Variants in PDE10A observed in about 807,000 individuals in gnomAD.
PDE10A encodes the protein cAMP and cAMP-inhibited cGMP 3',5'-cyclic phosphodiesterase 10A.
A neutral mutation model predicts 97.7 loss-of-function variants in PDE10A; 39 were observed. That is an observed-to-expected ratio of 0.40 (90% confidence interval 0.31 to 0.52). The LOEUF is 0.52. Ranked by LOEUF, PDE10A falls within the 20% of genes least tolerant of loss-of-function variation. The probability of loss-of-function intolerance (pLI) is 0.56; values close to 1 mark genes in which losing one functional copy is unlikely to be tolerated. For synonymous variants in PDE10A, 371 were observed against 376.8 expected, an observed-to-expected ratio of 0.98 and a Z score of 0.18; for missense variants, 731 against 1,047.8, an observed-to-expected ratio of 0.70 and a Z score of 4.17.
At chr6:165,811,586 T>C (rs1178925101) in intron 1 of PDE10A, among the ~76,000 whole-genome samples, 1 of 152,214 alleles carries the variant, frequency 6.6e-6, no homozygotes, top group Non-Finnish European at 1.5e-5. Flanking sequence ...CTGGGTCCTG[T>C]TGGACTCCAG....
chr6:165,691,203 C>CACACACACACACACACACA (rs1562687327), intron 1 of PDE10A, among the ~76,000 whole-genome samples: 1 of 108,598 alleles, frequency 9.2e-6, no homozygotes, highest in African/African-American at 4.5e-5. Flanking sequence ...CTCTCTCTCC[C>CACACACACACACACACACA]CACACACACA....
chr6:165,660,589 G>C (rs1036019697), intron 1 of PDE10A: 1 of 152,554 alleles, frequency 6.6e-6, no homozygotes, highest in African/African-American at 2.4e-5. Context: ...GCACCCCAAA[G>C]GTGCCTGAGC....
chr6:165,855,034 C>A (rs866093071), intron 1 of PDE10A, among the ~76,000 whole-genome samples: 17 of 114,308 alleles, frequency 1.5e-4, no homozygotes, highest in East Asian at 6.7e-4. Flanking sequence ...TGAATGAATG[C>A]ATGAATGAAT....
At chr6:165,346,865 G>A (rs1782346761) in intron 18 of PDE10A, among the ~76,000 whole-genome samples, 1 of 151,866 alleles carries the variant, frequency 6.6e-6, no homozygotes, top group South Asian at 2.1e-4. Flanking sequence ...TGATGTATAA[G>A]CAAAGACCAG....
Position 165,644,922 on chromosome 6 carries a change from T to C in PDE10A, c.865+17025A>G, listed in dbSNP as rs1449712291. Among the ~76,000 whole-genome samples, 6 of 152,188 alleles carry C rather than the reference T, an allele frequency of 3.9e-5. No homozygotes were observed. In the South Asian group the frequency reaches 6.2e-4, roughly 16 times the overall value. ...CCAGGAAATCTGGGAACTTTAAAAA[T>C]TAATGAGTGCTTTTTAAAAAATCAT... On this transcript the variant is annotated intron_variant, in intron 1 of 21. Transcript: ENST00000539869.
intron 1 of PDE10A, chr6:165,775,033 TC>T (rs1778137632): frequency 6.6e-6 from 1 of 151,842 alleles, no homozygotes; most frequent in African/African-American, 2.4e-5. Context: ...ATCCCAGGGG[TC>T]CTGTGAAACG....
intron 1 of PDE10A, among the ~76,000 whole-genome samples, chr6:165,556,186 G>C (rs1351773589): frequency 1.3e-5 from 2 of 152,086 alleles, no homozygotes; most frequent in Non-Finnish European, 2.9e-5. Context: ...GGACTGGGCT[G>C]GGGGGGTCAG....
intron 5 of PDE10A, among the ~76,000 whole-genome samples, chr6:165,447,357 G>C (rs78061349): frequency 0.018 from 2,808 of 152,256 alleles, 55 homozygotes; most frequent in African/African-American, 0.064. Flanking sequence ...CTGAGTCCAA[G>C]ATACAGGTTT....
At chr6:165,893,824 ATT>A (rs11381418) in intron 1 of PDE10A, among the ~76,000 whole-genome samples, 22 of 145,416 alleles carry the variant, frequency 1.5e-4, no homozygotes, top group Non-Finnish European at 2.3e-4. Flanking sequence ...CATTAGTGCC[ATT>A]TTTTTTTTTT....
intron 18 of PDE10A, among the ~76,000 whole-genome samples, chr6:165,370,561 G>C (rs1215831363): frequency 1.9e-4 from 28 of 149,574 alleles, no homozygotes; most frequent in Admixed American, 4.0e-4. Context: ...CAATACAGGA[G>C]CACCCAGATT....
chr6:165,442,721 A>G (rs1790562280), intron 5 of PDE10A, among the ~76,000 whole-genome samples: 1 of 152,080 alleles, frequency 6.6e-6, no homozygotes, highest in Non-Finnish European at 1.5e-5. Flanking sequence ...ATATCATTCT[A>G]CCTCTGGCCT....
chr6:165,470,832 C>G (rs547728482), intron 3 of PDE10A, among the ~76,000 whole-genome samples: 1 of 152,270 alleles, frequency 6.6e-6, no homozygotes, highest in African/African-American at 2.4e-5. Context: ...CCCATTGCAT[C>G]AAACTTTCTC....
chr6:165,339,685 C>T (rs766295112), intron 19 of PDE10A, among the ~76,000 whole-genome samples: 4 of 152,140 alleles, frequency 2.6e-5, no homozygotes, highest in Admixed American at 1.3e-4. Flanking sequence ...TATGGAATAA[C>T]CTCCAGGCCC....
chr6:165,667,352 C>T (rs1396502900), upstream of PDE10A, among the ~76,000 whole-genome samples: 1 of 152,064 alleles, frequency 6.6e-6, no homozygotes, highest in Non-Finnish European at 1.5e-5. Context: ...CCTTCACTCC[C>T]TTAAATTATT....
chr6:165,452,448 T>C (rs972520365), intron 3 of PDE10A, among the ~76,000 whole-genome samples: 1 of 152,208 alleles, frequency 6.6e-6, no homozygotes, highest in Non-Finnish European at 1.5e-5. Context: ...GGCAGAGCCC[T>C]TGTGAATGGA....
chr6:165,344,284 C>G (rs1262415547), intron 18 of PDE10A, among the ~76,000 whole-genome samples: 1 of 152,024 alleles, frequency 6.6e-6, no homozygotes, highest in Non-Finnish European at 1.5e-5. Flanking sequence ...ATGTGGCTAC[C>G]CTAAGTGAAG....
rs141766975 is a variant in PDE10A at position 165,434,709 on chromosome 6, G to A, written c.1335+528C>T. On this transcript the variant is annotated intron_variant, in intron 6 of 21. Coordinates refer to ENST00000539869, the MANE Select transcript of PDE10A (RefSeq NM_001385079.1). Reference sequence around the variant, plus strand: ...ACACCAGGATAGCCTTACTGGAAGCGGGTGAGAGACACAGGGAAAGCGATG... The same window carrying A: ...ACACCAGGATAGCCTTACTGGAAGCAGGTGAGAGACACAGGGAAAGCGATG... Among the ~76,000 whole-genome samples the A allele has an allele frequency of 5.0e-3, 758 of 152,244 alleles. 24 individuals are homozygous for A. The highest frequency in any genetic ancestry group is 0.03 in the Admixed American group (457 of 15,296).
intron 1 of PDE10A, among the ~76,000 whole-genome samples, chr6:165,966,580 G>A (rs895570940): frequency 1.2e-4 from 18 of 152,186 alleles, no homozygotes; most frequent in Admixed American, 7.2e-4. Context: ...AGTGAATATC[G>A]AGTCCACTGC....
chr6:165,981,771 A>C (rs1350450347), intron 1 of PDE10A, among the ~76,000 whole-genome samples: 1 of 152,238 alleles, frequency 6.6e-6, no homozygotes, highest in South Asian at 2.1e-4. Flanking sequence ...GTTTGTCTTT[A>C]ACATTGATTT....
Sources: allele counts gnomAD v4.1 joint callset (sites outside exome capture counted in the v4.1 genomes callset), GRCh38; gene constraint gnomAD v4.1.1; transcripts MANE v1.5; gene names NCBI Gene and HGNC (gene_info 2026-07-23, HGNC 2026-07-21).